Variants in CALD1 observed in about 807,000 individuals in gnomAD.
CALD1 encodes the protein caldesmon 1.
Under a neutral mutation model 99.9 loss-of-function variants are expected in CALD1, and 33 were observed. The ratio of observed to expected loss-of-function variants is 0.33; its 90% CI spans 0.25 to 0.44. The LOEUF is 0.44. Among genes scored for constraint, CALD1 ranks in the 20% least tolerant of loss-of-function variants. The pLI is 1.00. For missense variants in CALD1, 861 were observed against 962.1 expected (o/e 0.89, Z 1.39); for synonymous variants, 310 against 325.0 (o/e 0.95, Z 0.50).
At chr7:134,891,822 A>C (rs1367329945) in intron 3 of CALD1, 1 of 653,196 alleles carries the variant, frequency 1.5e-6, no homozygotes, top group Non-Finnish European at 2.5e-6. Flanking sequence ...GAATGCAGTG[A>C]GTGTGTGAGT....
intron 1 of CALD1, among the ~76,000 whole-genome samples, chr7:134,796,613 T>C (rs988259427): frequency 6.7e-6 from 1 of 150,018 alleles, no homozygotes; most frequent in Non-Finnish European, 1.5e-5. Context: ...ATAGATAGAG[T>C]CTCACTCTGT....
intron 3 of CALD1, among the ~76,000 whole-genome samples, chr7:134,872,154 C>T (rs1288205296): frequency 2.6e-5 from 4 of 152,178 alleles, no homozygotes; most frequent in South Asian, 2.1e-4. Flanking sequence ...GTCAGGAGTT[C>T]GAGACCACCC....
At chr7:134,954,169 A>G (rs947205300) in intron 9 of CALD1, among the ~76,000 whole-genome samples, 4 of 152,202 alleles carry the variant, frequency 2.6e-5, no homozygotes, top group African/African-American at 4.8e-5. Flanking sequence ...CATGATTTCT[A>G]TTCCTTGTTT....
intron 1 of CALD1, among the ~76,000 whole-genome samples, chr7:134,822,408 C>A (rs893842221): frequency 2.0e-5 from 3 of 152,122 alleles, no homozygotes; most frequent in African/African-American, 7.2e-5. Context: ...AGAATCATAT[C>A]TTGTCTGAAC....
intron 6 of CALD1, 62 bp from the exon 7 acceptor site, chr7:134,941,030 C>T: frequency 6.9e-7 from 1 of 1,445,398 alleles, no homozygotes; most frequent in African/African-American, 1.4e-5. Flanking sequence ...CTTGATGATA[C>T]CAACCAAAAC....
intron 1 of CALD1, among the ~76,000 whole-genome samples, chr7:134,802,121 TA>T (rs1797968837): frequency 6.6e-6 from 1 of 152,124 alleles, no homozygotes; most frequent in Non-Finnish European, 1.5e-5. Context: ...TATATATATA[TA>T]TATGTATGTC....
rs1805665886 is a variant in CALD1, at chr7:134,933,163, C to T, written c.394C>T (p.Leu132Phe). Reference sequence around the variant, plus strand: ...AACAATAACAGATGCAAGTCTGTCGCTCCCAAGCAGAAGAATGCAAAATGA... The same window carrying T: ...AACAATAACAGATGCAAGTCTGTCGTTCCCAAGCAGAAGAATGCAAAATGA... ...DPTITDASLS[L>F]PSRRMQNDTA... Residue 132 changes from leucine (L) to phenylalanine (F), a missense_variant, in exon 5 of 15, where the codon CTC becomes TTC. Leu to Phe is a conservative substitution (Grantham distance 22). Transcript: ENST00000361675. The T allele has an allele frequency of 1.2e-6, 2 of 1,612,848 alleles. No individual in the cohort carries two copies. Among genetic ancestry groups the T allele is most frequent in the Admixed American group, 1.7e-5 (1 of 59,840 alleles).
chr7:134,904,557 G>A (rs949510064), intron 3 of CALD1, among the ~76,000 whole-genome samples: 1 of 151,906 alleles, frequency 6.6e-6, no homozygotes, highest in African/African-American at 2.4e-5. Flanking sequence ...ACAGTGAGAT[G>A]GTGTCTTAAA....
the CALD1 span, among the ~76,000 whole-genome samples, chr7:134,726,089 T>C: frequency 6.6e-6 from 1 of 151,984 alleles, no homozygotes; most frequent in African/African-American, 2.4e-5. Context: ...CTGAATCTTA[T>C]AACAAAACCC....
At chr7:134,939,627 A>G (rs973082088) in intron 6 of CALD1, among the ~76,000 whole-genome samples, 25 of 152,172 alleles carry the variant, frequency 1.6e-4, no homozygotes, top group Non-Finnish European at 8.8e-5. Flanking sequence ...ATGACTTAAA[A>G]CTTATCAATA....
At chr7:134,936,249 T>C (rs1451805911) in intron 6 of CALD1, among the ~76,000 whole-genome samples, 1 of 152,226 alleles carries the variant, frequency 6.6e-6, no homozygotes, top group East Asian at 1.9e-4. Context: ...GAACTGAAGA[T>C]GATATTTGGT....
At chr7:134,826,212 C>A (rs770174987) in intron 1 of CALD1, among the ~76,000 whole-genome samples, 59 of 151,986 alleles carry the variant, frequency 3.9e-4, no homozygotes, top group Admixed American at 7.2e-4. Flanking sequence ...AACTGATATC[C>A]AAGGACCCGG....
intron 1 of CALD1, among the ~76,000 whole-genome samples, chr7:134,768,995 C>T (rs527469018): frequency 6.6e-6 from 1 of 151,950 alleles, no homozygotes; most frequent in East Asian, 1.9e-4. Flanking sequence ...GTTTCAGGTA[C>T]ATCTAGGTCA....
At chr7:134,818,282 T>C (rs1798634224) in intron 1 of CALD1, among the ~76,000 whole-genome samples, 1 of 152,216 alleles carries the variant, frequency 6.6e-6, no homozygotes, top group African/African-American at 2.4e-5. Flanking sequence ...CAACATTAAA[T>C]CTGATAATAT....
chr7:134,854,068 T>C (rs1440166301), intron 2 of CALD1, among the ~76,000 whole-genome samples: 1 of 152,190 alleles, frequency 6.6e-6, no homozygotes, highest in East Asian at 1.9e-4. Context: ...TGCATAGTAT[T>C]CCATGGTTTA....
At chr7:134,902,725 A>G (rs952370141) in intron 3 of CALD1, among the ~76,000 whole-genome samples, 5 of 152,226 alleles carry the variant, frequency 3.3e-5, no homozygotes. Flanking sequence ...CTGCCGCTTC[A>G]GTGTAATGAA....
At chr7:134,742,016 TACACAC>T (rs112633191), upstream of CALD1, among the ~76,000 whole-genome samples, 67 of 147,990 alleles carry the variant, frequency 4.5e-4, no homozygotes, top group African/African-American at 1.4e-3. Context: ...GAGGTATTGA[TACACAC>T]ACACACACAC....
intron 13 of CALD1, chr7:134,962,867 G>A (rs1808383974): frequency 2.2e-6 from 1 of 456,472 alleles, no homozygotes. Flanking sequence ...TTGGAAACCT[G>A]CTTCTCCTGC....
chr7:134,786,239 T>C (rs1450228271), intron 1 of CALD1, among the ~76,000 whole-genome samples: 1 of 152,248 alleles, frequency 6.6e-6, no homozygotes, highest in Non-Finnish European at 1.5e-5. Context: ...TCTGAGTAAA[T>C]AATATATCTT....
Sources: gnomAD v4.1 joint callset for allele counts (sites outside exome capture counted in the v4.1 genomes callset) on GRCh38, gnomAD v4.1.1 for gene constraint, MANE v1.5 for transcripts, NCBI Gene and HGNC (gene_info 2026-07-23, HGNC 2026-07-21) for gene names.